The following ADGRL2 variants were observed in gnomAD, a reference collection of about 807,000 sequenced individuals.
ADGRL2 encodes the protein calcium-independent alpha-latrotoxin receptor 2.
A neutral mutation model predicts 157.4 loss-of-function variants in ADGRL2; 44 were observed. That is an observed-to-expected ratio of 0.28 (90% confidence interval 0.22 to 0.36). The LOEUF (loss-of-function observed/expected upper bound fraction) is 0.36. Among genes scored for constraint, ADGRL2 ranks in the 10% least tolerant of loss-of-function variants. The pLI is 1.00. For missense variants in ADGRL2, 1,510 were observed against 1,768.9 expected (o/e 0.85, Z 2.63); for synonymous variants, 585 against 624.7 (o/e 0.94, Z 0.95).
intron 2 of ADGRL2, among the ~76,000 whole-genome samples, chr1:81,877,071 C>G (rs2093859638): frequency 6.6e-6 from 1 of 152,078 alleles, no homozygotes; most frequent in Admixed American, 6.6e-5. Flanking sequence ...CCTGGCCATC[C>G]TTTTTAATAG....
chr1:81,384,368 C>T (rs767489965), intron 1 of ADGRL2, among the ~76,000 whole-genome samples: 12 of 151,804 alleles, frequency 7.9e-5, no homozygotes, highest in Admixed American at 2.0e-4. Flanking sequence ...TGTGTGTGCA[C>T]GCATGTTTGT....
intron 2 of ADGRL2, among the ~76,000 whole-genome samples, chr1:81,515,569 T>A (rs191510178): frequency 2.2e-4 from 33 of 152,358 alleles, no homozygotes; most frequent in African/African-American, 6.5e-4. Flanking sequence ...GACTTGTATA[T>A]GTGGGCTCTT....
At chr1:81,913,602 G>A (rs146765532) in intron 3 of ADGRL2, among the ~76,000 whole-genome samples, 1,727 of 152,216 alleles carry the variant, frequency 0.011, 31 homozygotes, top group African/African-American at 0.039. Flanking sequence ...TTAGAGCTAC[G>A]GAGGAGCTTG....
chr1:81,554,888 T>C (rs1405644197), intron 2 of ADGRL2, among the ~76,000 whole-genome samples: 1 of 152,016 alleles, frequency 6.6e-6, no homozygotes, highest in Non-Finnish European at 1.5e-5. Context: ...AGGGGAATAA[T>C]GTCTGATTCT....
At chr1:81,796,713 T>C (rs2087607939), upstream of ADGRL2, among the ~76,000 whole-genome samples, 1 of 152,230 alleles carries the variant, frequency 6.6e-6, no homozygotes, top group Non-Finnish European at 1.5e-5. Flanking sequence ...GGATGCTTTT[T>C]TTAAAAAGTA....
intron 2 of ADGRL2, among the ~76,000 whole-genome samples, chr1:81,448,922 T>C (rs1457749196): frequency 6.6e-6 from 1 of 152,102 alleles, no homozygotes; most frequent in Admixed American, 6.5e-5. Flanking sequence ...AAAAAGAAGA[T>C]AAAGTGTGAC....
At chr1:81,516,643 A>T (rs2079184596) in intron 2 of ADGRL2, among the ~76,000 whole-genome samples, 1 of 152,260 alleles carries the variant, frequency 6.6e-6, no homozygotes, top group African/African-American at 2.4e-5. Context: ...GCCAACTTCT[A>T]TTCGGGAACG....
At chr1:81,753,922 G>A (rs1197498667) in intron 1 of ADGRL2, among the ~76,000 whole-genome samples, 1 of 152,120 alleles carries the variant, frequency 6.6e-6, no homozygotes, top group East Asian at 1.9e-4. Flanking sequence ...AATATATGAT[G>A]GTGCATGTTT....
At chr1:81,711,522 A>G (rs562544203) in intron 1 of ADGRL2, among the ~76,000 whole-genome samples, 4 of 152,320 alleles carry the variant, frequency 2.6e-5, no homozygotes, top group South Asian at 4.1e-4. Context: ...ATTTCTTAAA[A>G]TTAGCAATGA....
chr1:81,975,676 A>G (rs1365476600), intron 17 of ADGRL2, among the ~76,000 whole-genome samples: 1 of 152,070 alleles, frequency 6.6e-6, no homozygotes, highest in Non-Finnish European at 1.5e-5. Context: ...GCACAGAAGT[A>G]TATGGATGGA....
chr1:81,875,590 G>A (rs746897293), intron 2 of ADGRL2, among the ~76,000 whole-genome samples: 3 of 152,100 alleles, frequency 2.0e-5, no homozygotes, highest in Non-Finnish European at 2.9e-5. Context: ...ATGTACTTGT[G>A]TAAATTTGGA....
chr1:81,910,602 A>G (rs1476118987), intron 3 of ADGRL2, among the ~76,000 whole-genome samples: 2 of 151,224 alleles, frequency 1.3e-5, no homozygotes, highest in African/African-American at 4.8e-5. Flanking sequence ...TCTGTATTAG[A>G]TACGAGACAC....
At chr1:81,906,282 G>A (rs536799421) in intron 2 of ADGRL2, among the ~76,000 whole-genome samples, 61 of 152,222 alleles carry the variant, frequency 4.0e-4, no homozygotes, top group African/African-American at 1.4e-3. Context: ...TGAGAGTTCA[G>A]CCAGGTTTGA....
chr1:81,716,787 G>A (rs1345443647), intron 1 of ADGRL2, among the ~76,000 whole-genome samples: 3 of 152,160 alleles, frequency 2.0e-5, no homozygotes, highest in South Asian at 2.1e-4. Flanking sequence ...GTAAATTACA[G>A]TTTGTGTGTG....
chr1:81,643,609 A>T (rs1452468422), intron 3 of ADGRL2, among the ~76,000 whole-genome samples: 1 of 152,176 alleles, frequency 6.6e-6, no homozygotes, highest in Non-Finnish European at 1.5e-5. Flanking sequence ...ATCCCCAGCC[A>T]CAAGTGGAAT....
chr1:81,984,471 A>T (rs1004545184), intron 19 of ADGRL2, 112 bp from the exon 20 acceptor site: 2 of 1,128,234 alleles, frequency 1.8e-6, no homozygotes, highest in African/African-American at 3.1e-5. Context: ...CTCCACGGAT[A>T]AGTTTTAGTG....
At chr1:81,722,317 A>G (rs1032704752) in intron 1 of ADGRL2, 5 of 641,958 alleles carry the variant, frequency 7.8e-6, no homozygotes, top group Non-Finnish European at 1.4e-5. Context: ...TGCAGAGATA[A>G]CAGAGGAGAT....
chr1:81,711,246 G>A (rs1314702190), intron 1 of ADGRL2, among the ~76,000 whole-genome samples: 1 of 152,166 alleles, frequency 6.6e-6, no homozygotes, highest in Non-Finnish European at 1.5e-5. Context: ...TGTTTTCCTT[G>A]AAGTGATTTG....
At chr1:81,505,198 C>CCACACACACACA (rs371854437) in intron 2 of ADGRL2, 3 of 446,000 alleles carry the variant, frequency 6.7e-6, no homozygotes, top group African/African-American at 5.9e-5. Context: ...ACCCCCACTC[C>CCACACACACACA]CACACACACA....
Sources: gnomAD v4.1 joint callset for allele counts (sites outside exome capture counted in the v4.1 genomes callset) on GRCh38, gnomAD v4.1.1 for gene constraint, MANE v1.5 for transcripts, NCBI Gene and HGNC (gene_info 2026-07-23, HGNC 2026-07-21) for gene names.